LOC400499: variants seen among roughly 807,000 people sequenced by gnomAD.
chr16:11,402,421 G>C, the LOC400499 span, among the ~76,000 whole-genome samples: 1 of 152,180 alleles, frequency 6.6e-6, no homozygotes, highest in East Asian at 1.9e-4. Flanking sequence ...GGTGGCGTCT[G>C]CCTCCCCAGC....
chr16:11,450,523 G>T, the LOC400499 span: 2 of 1,342,522 alleles, frequency 1.5e-6, no homozygotes, highest in South Asian at 1.3e-5. Context: ...TCTGCCCACA[G>T]ACCTCAGCTT....
At chr16:11,527,485 A>G in the LOC400499 span, among the ~76,000 whole-genome samples, 1 of 152,238 alleles carries the variant, frequency 6.6e-6, no homozygotes, top group Non-Finnish European at 1.5e-5. Context: ...CAGAGATCTC[A>G]GGTCAGAAGG....
the LOC400499 span, among the ~76,000 whole-genome samples, chr16:11,396,214 C>A: frequency 1.3e-5 from 2 of 152,328 alleles, no homozygotes; most frequent in African/African-American, 4.8e-5. Flanking sequence ...GGCAGCTAGG[C>A]TGGGATTCAA....
the LOC400499 span, among the ~76,000 whole-genome samples, chr16:11,430,685 A>G: frequency 6.6e-6 from 1 of 152,206 alleles, no homozygotes; most frequent in Non-Finnish European, 1.5e-5. Context: ...CAACTTTTCT[A>G]CAAGTCTAGT....
At chr16:11,417,260 T>G in the LOC400499 span, among the ~76,000 whole-genome samples, 1 of 152,146 alleles carries the variant, frequency 6.6e-6, no homozygotes, top group African/African-American at 2.4e-5. Flanking sequence ...AGGGTCTCAT[T>G]CTGTCACCCA....
At chr16:11,390,416 G>A in the LOC400499 span, 2 of 1,252,004 alleles carry the variant, frequency 1.6e-6, no homozygotes, top group East Asian at 3.0e-5. Flanking sequence ...TCCTCCAGGG[G>A]CCGCAGTGTC....
the LOC400499 span, among the ~76,000 whole-genome samples, chr16:11,452,201 G>GTTTTTTT: frequency 1.1e-3 from 85 of 76,994 alleles, no homozygotes; most frequent in Non-Finnish European, 1.9e-3. Flanking sequence ...CAGTTTTTTT[G>GTTTTTTT]TTTGTTTTTT....
chr16:11,516,585 G>A, the LOC400499 span, among the ~76,000 whole-genome samples: 5 of 152,208 alleles, frequency 3.3e-5, no homozygotes, highest in African/African-American at 1.2e-4. Flanking sequence ...GACCCCAAGA[G>A]CTGCCTGCAT....
At chr16:11,495,792 G>A in the LOC400499 span, among the ~76,000 whole-genome samples, 1 of 152,176 alleles carries the variant, frequency 6.6e-6, no homozygotes, top group African/African-American at 2.4e-5. Flanking sequence ...AGGAAGCTGA[G>A]ACACAGGAAG....
the LOC400499 span, among the ~76,000 whole-genome samples, chr16:11,503,684 C>T: frequency 7.2e-4 from 110 of 152,352 alleles, no homozygotes; most frequent in Non-Finnish European, 1.2e-3. Flanking sequence ...ACTGGTCACT[C>T]GGCCCACCTG....
chr16:11,441,194 T>C, the LOC400499 span: 3 of 397,550 alleles, frequency 7.5e-6, no homozygotes, highest in South Asian at 1.4e-4. Flanking sequence ...TGATGGGTTA[T>C]GGAGCAGTCT....
At chr16:11,443,046 G>A in the LOC400499 span, among the ~76,000 whole-genome samples, 14 of 152,194 alleles carry the variant, frequency 9.2e-5, no homozygotes, top group African/African-American at 2.6e-4. Context: ...AGAAATGGCC[G>A]GGCGTGGTGG....
chr16:11,412,771 G>T, the LOC400499 span: 5 of 398,056 alleles, frequency 1.3e-5, no homozygotes, highest in East Asian at 1.4e-4. Flanking sequence ...TGTGTCCAGC[G>T]ATGGTGCACA....
At chr16:11,431,119 C>G in the LOC400499 span, 2 of 398,964 alleles carry the variant, frequency 5.0e-6, no homozygotes, top group African/African-American at 4.1e-5. Context: ...CACCGTGTGC[C>G]GGGTTTGGCT....
chr16:11,503,261 A>C, the LOC400499 span, among the ~76,000 whole-genome samples: 12 of 152,158 alleles, frequency 7.9e-5, no homozygotes, highest in Non-Finnish European at 1.6e-4. Flanking sequence ...AATTATTAAC[A>C]GTGATGGCTA....
chr16:11,391,508 C>A, the LOC400499 span, among the ~76,000 whole-genome samples: 3 of 152,160 alleles, frequency 2.0e-5, no homozygotes, highest in African/African-American at 7.2e-5. Flanking sequence ...ACAAATAAGG[C>A]AGGGGGCTAA....
the LOC400499 span, among the ~76,000 whole-genome samples, chr16:11,463,748 T>C: frequency 6.6e-6 from 1 of 152,144 alleles, no homozygotes; most frequent in East Asian, 1.9e-4. Flanking sequence ...TGTATATATA[T>C]GGATGTGTGT....
chr16:11,433,460 A>T, the LOC400499 span, among the ~76,000 whole-genome samples: 1 of 152,234 alleles, frequency 6.6e-6, no homozygotes, highest in Non-Finnish European at 1.5e-5. Context: ...AGTACTCAAA[A>T]TACCAGCATA....
At chr16:11,374,055 G>C in the LOC400499 span, among the ~76,000 whole-genome samples, 192 of 152,236 alleles carry the variant, frequency 1.3e-3, 1 homozygote, top group African/African-American at 4.4e-3. Context: ...TAGTAAATTA[G>C]CTGATTTGCT....
Sources: gnomAD v4.1 joint callset for allele counts (sites outside exome capture counted in the v4.1 genomes callset) on GRCh38, gnomAD v4.1.1 for gene constraint, MANE v1.5 for transcripts.